The following DLC1 variants were observed in gnomAD, a reference collection of about 807,000 sequenced individuals.
The protein encoded by DLC1 is DLC1 Rho GTPase activating protein.
DLC1 carries 54 observed loss-of-function variants against 140.3 expected under a neutral mutation model. The ratio of observed to expected loss-of-function variants is 0.38; its 90% CI spans 0.31 to 0.48. The LOEUF (loss-of-function observed/expected upper bound fraction) is 0.48. DLC1 is among the 20% of genes least tolerant of loss of function. DLC1 has a pLI of 0.96. For missense variants in DLC1, 2,536 were observed against 1,907.0 expected, an observed-to-expected ratio of 1.33 and a Z score of -6.14; for synonymous variants, 986 against 728.1, an observed-to-expected ratio of 1.35 and a Z score of -5.70.
At chr8:13,343,905 A>C (rs1048293335) in intron 4 of DLC1, among the ~76,000 whole-genome samples, 1 of 152,004 alleles carries the variant, frequency 6.6e-6, no homozygotes, top group Admixed American at 6.6e-5. Flanking sequence ...ATCTTTAGGG[A>C]CCCAAATTTG....
Position 13,230,134 on chromosome 8 carries a change from C to T in DLC1, c.1348+75135G>A, listed in dbSNP as rs751703717. On this transcript the variant is annotated intron_variant, in intron 5 of 17. Transcript: ENST00000276297. ...ACTGATTTCATGCACACCAAACAGG[C>T]GAGAAACGGCATTGTCTAAGAAAGG... 7.9e-5 allele frequency among the ~76,000 whole-genome samples: 12 copies of T among 152,232 alleles called. No homozygotes were observed. The South Asian group carries it at 1.2e-3, about 16-fold the overall frequency.
intron 5 of DLC1, among the ~76,000 whole-genome samples, chr8:13,266,320 C>T (rs533873959): frequency 6.6e-6 from 1 of 152,296 alleles, no homozygotes; most frequent in African/African-American, 2.4e-5. Context: ...ACCTGGTACT[C>T]ATGGCTCTGG....
intron 5 of DLC1, among the ~76,000 whole-genome samples, chr8:13,270,284 G>A (rs1323927273): frequency 1.3e-5 from 2 of 152,144 alleles, no homozygotes; most frequent in Non-Finnish European, 2.9e-5. Context: ...GTGGCCTTTG[G>A]TAAAATGTGC....
chr8:13,598,034 A>G (rs1805739381), intron 1 of DLC1, among the ~76,000 whole-genome samples: 1 of 152,110 alleles, frequency 6.6e-6, no homozygotes, highest in Non-Finnish European at 1.5e-5. Context: ...CGCCACTTGT[A>G]GTGGTCTGTC....
intron 5 of DLC1, among the ~76,000 whole-genome samples, chr8:13,123,787 C>T (rs1821323202): frequency 6.6e-6 from 1 of 152,180 alleles, no homozygotes; most frequent in South Asian, 2.1e-4. Flanking sequence ...TCCCAAGCAC[C>T]TACAACAGCA....
chr8:13,332,744 T>G (rs1315304355), intron 4 of DLC1, among the ~76,000 whole-genome samples: 1 of 152,314 alleles, frequency 6.6e-6, no homozygotes, highest in East Asian at 1.9e-4. Flanking sequence ...TTCTTGAGTT[T>G]GCTTTTTCTT....
intron 1 of DLC1, among the ~76,000 whole-genome samples, chr8:13,603,821 G>A (rs1332067258): frequency 1.3e-5 from 2 of 151,968 alleles, no homozygotes; most frequent in African/African-American, 4.8e-5. Context: ...AAAGGCAACC[G>A]ATCATTTCAT....
chr8:13,276,111 G>C, intron 5 of DLC1: 1 of 1,177,114 alleles, frequency 8.5e-7, no homozygotes, highest in Non-Finnish European at 1.1e-6. Context: ...ACTAGAGAAA[G>C]GGAGACCGAA....
At chr8:13,589,057 G>T (rs149277661) in intron 1 of DLC1, among the ~76,000 whole-genome samples, 3 of 152,006 alleles carry the variant, frequency 2.0e-5, no homozygotes. Context: ...ATTATGGGTT[G>T]CTAGTGCACA....
chr8:13,394,714 C>G (rs760189614), intron 3 of DLC1, among the ~76,000 whole-genome samples: 1 of 152,296 alleles, frequency 6.6e-6, no homozygotes, highest in South Asian at 2.1e-4. Context: ...CCCCAACTCT[C>G]CAGTCTTAGC....
intron 5 of DLC1, among the ~76,000 whole-genome samples, chr8:13,124,795 C>T (rs1376460565): frequency 6.6e-6 from 1 of 152,204 alleles, no homozygotes; most frequent in Admixed American, 6.5e-5. Flanking sequence ...AAGACCACCT[C>T]TAGAAAGGGT....
intron 4 of DLC1, among the ~76,000 whole-genome samples, chr8:13,361,514 C>G (rs1835225728): frequency 6.6e-6 from 1 of 152,078 alleles, no homozygotes; most frequent in African/African-American, 2.4e-5. Context: ...TATCCTCCCG[C>G]TTCAGCCTTT....
intron 4 of DLC1, among the ~76,000 whole-genome samples, chr8:13,363,205 T>C (rs1835319382): frequency 6.6e-6 from 1 of 152,222 alleles, no homozygotes; most frequent in Non-Finnish European, 1.5e-5. Context: ...TTCTGTATTT[T>C]AATTTGGATT....
intron 4 of DLC1, among the ~76,000 whole-genome samples, chr8:13,313,165 T>C (rs945405274): frequency 6.6e-6 from 1 of 152,206 alleles, no homozygotes; most frequent in South Asian, 2.1e-4. Context: ...TTAGTGATTC[T>C]CTTTCTTCTT....
At chr8:13,589,195 T>C (rs1805431396) in intron 1 of DLC1, among the ~76,000 whole-genome samples, 1 of 152,156 alleles carries the variant, frequency 6.6e-6, no homozygotes, top group Non-Finnish European at 1.5e-5. Flanking sequence ...TTTATACAAC[T>C]TAACCATTCT....
At chr8:13,581,024 A>G (rs1805075872) in intron 1 of DLC1, among the ~76,000 whole-genome samples, 1 of 152,212 alleles carries the variant, frequency 6.6e-6, no homozygotes, top group Non-Finnish European at 1.5e-5. Context: ...GCAGGAGAAG[A>G]GAAAGCGGTG....
At chr8:13,136,182 G>T (rs933740238) in intron 5 of DLC1, among the ~76,000 whole-genome samples, 3 of 152,176 alleles carry the variant, frequency 2.0e-5, no homozygotes, top group African/African-American at 7.2e-5. Flanking sequence ...TATGTTATTT[G>T]TTTATGTTAT....
chr8:13,524,139 T>G (rs1162233807), intron 1 of DLC1, among the ~76,000 whole-genome samples: 1 of 147,632 alleles, frequency 6.8e-6, no homozygotes, highest in Non-Finnish European at 1.5e-5. Context: ...ATTATTATTA[T>G]TATTATTATT....
intron 2 of DLC1, among the ~76,000 whole-genome samples, chr8:13,424,075 G>A (rs1342355159): frequency 6.6e-6 from 1 of 152,130 alleles, no homozygotes; most frequent in Non-Finnish European, 1.5e-5. Flanking sequence ...TTAAGGGGGT[G>A]TTTCCTTATG....
Sources: gnomAD v4.1 joint callset for allele counts (sites outside exome capture counted in the v4.1 genomes callset) on GRCh38, gnomAD v4.1.1 for gene constraint, MANE v1.5 for transcripts, NCBI Gene and HGNC (gene_info 2026-07-23, HGNC 2026-07-21) for gene names.